Variants in SPECC1 observed in about 807,000 individuals in gnomAD.
SPECC1 encodes cytospin-B.
In SPECC1, 62 loss-of-function variants were observed where a neutral mutation model predicts 104.1. The ratio of observed to expected loss-of-function variants is 0.60; its 90% CI spans 0.49 to 0.74. The LOEUF is 0.74. SPECC1 is among the 30% of genes least tolerant of loss of function. The pLI is 0.00. For synonymous variants in SPECC1, 513 were observed against 501.6 expected, an observed-to-expected ratio of 1.02 and a Z score of -0.30; for missense variants, 1,306 against 1,310.5, an observed-to-expected ratio of 1.00 and a Z score of 0.05.
intron 3 of SPECC1, among the ~76,000 whole-genome samples, chr17:20,202,689 TTA>T (rs1411429674): frequency 6.6e-6 from 1 of 152,162 alleles, no homozygotes; most frequent in African/African-American, 2.4e-5. Context: ...TGTTAACTGT[TTA>T]TGTTTTCAGT....
intron 14 of SPECC1, among the ~76,000 whole-genome samples, chr17:20,307,230 A>G (rs1421199426): frequency 6.6e-6 from 1 of 152,244 alleles, no homozygotes; most frequent in African/African-American, 2.4e-5. Flanking sequence ...GGAAAACCCA[A>G]CCAGCAGTTG....
intron 1 of SPECC1, among the ~76,000 whole-genome samples, chr17:20,094,402 A>G (rs2047548539): frequency 6.6e-6 from 1 of 152,158 alleles, no homozygotes; most frequent in Admixed American, 6.5e-5. Context: ...AGAAGTTTAG[A>G]TCTTTTAATT....
chr17:20,144,454 G>A (rs1312890992), intron 3 of SPECC1, among the ~76,000 whole-genome samples: 7 of 151,982 alleles, frequency 4.6e-5, no homozygotes, highest in Admixed American at 4.6e-4. Flanking sequence ...GCCTCCCAAA[G>A]TGCTGGGATT....
At chr17:20,194,358 A>G (rs2035864085) in intron 3 of SPECC1, among the ~76,000 whole-genome samples, 2 of 152,118 alleles carry the variant, frequency 1.3e-5, no homozygotes, top group East Asian at 1.9e-4. Context: ...ACTGTTGTAG[A>G]CAAGGTGTGA....
intron 12 of SPECC1, among the ~76,000 whole-genome samples, chr17:20,295,395 A>G (rs7223481): frequency 6.6e-6 from 1 of 152,106 alleles, no homozygotes; most frequent in Non-Finnish European, 1.5e-5. Flanking sequence ...TACATGTGCC[A>G]CATTTTCTTA....
chr17:20,283,660 C>A (rs552817674), intron 12 of SPECC1, among the ~76,000 whole-genome samples: 2 of 152,132 alleles, frequency 1.3e-5, no homozygotes, highest in Admixed American at 6.5e-5. Context: ...GATCTTGGCT[C>A]ACCTCAACCT....
At chr17:20,023,534 G>A (rs1465671577) in intron 1 of SPECC1, among the ~76,000 whole-genome samples, 2 of 152,096 alleles carry the variant, frequency 1.3e-5, no homozygotes, top group Admixed American at 1.3e-4. Context: ...GCAGGGGTTG[G>A]GAGCAGGGCA....
intron 3 of SPECC1, chr17:20,155,913 G>A (rs1170380099): frequency 2.5e-6 from 3 of 1,200,956 alleles, no homozygotes; most frequent in Non-Finnish European, 3.1e-6. Context: ...GGGGCGGGCC[G>A]CGCCTGGCGG....
chr17:20,099,638 T>C (rs2047832919), intron 2 of SPECC1, among the ~76,000 whole-genome samples: 1 of 128,272 alleles, frequency 7.8e-6, no homozygotes, highest in Non-Finnish European at 1.5e-5. Context: ...GAGGTTGCAG[T>C]CAGCCAAGAG....
intron 2 of SPECC1, among the ~76,000 whole-genome samples, chr17:20,109,021 C>T (rs984225479): frequency 1.3e-5 from 2 of 152,224 alleles, no homozygotes; most frequent in Admixed American, 6.5e-5. Flanking sequence ...TGCCAGTTTA[C>T]ACTTCCACTC....
Position 20,053,504 on chromosome 17 carries a change from G to A in SPECC1, c.-21-43127G>A, listed in dbSNP as rs571760284. Among the ~76,000 whole-genome samples, 20 of 152,346 alleles carry A rather than the reference G, an allele frequency of 1.3e-4. 1 individual carries two copies. In the East Asian group the frequency reaches 3.7e-3, roughly 28 times the overall value. On this transcript the variant is annotated intron_variant, in intron 1 of 14. Transcript: ENST00000395527. ...AATGGAATAAGGCAGAAGTGAGAGT[G>A]TTAGGAGTAGGTCCATAGTGTTAGG...
chr17:20,041,704 T>C (rs1424946819), intron 1 of SPECC1, among the ~76,000 whole-genome samples: 7 of 138,608 alleles, frequency 5.1e-5, no homozygotes, highest in Non-Finnish European at 9.2e-5. Context: ...CTCGGCTCAC[T>C]GCTCCTCTTC....
At chr17:20,087,380 A>G (rs2047218574) in intron 1 of SPECC1, among the ~76,000 whole-genome samples, 3 of 152,342 alleles carry the variant, frequency 2.0e-5, no homozygotes, top group Non-Finnish European at 2.9e-5. Context: ...GGAAGGCTCT[A>G]TATTCACATC....
At chr17:20,194,322 C>T (rs1015534409) in intron 3 of SPECC1, among the ~76,000 whole-genome samples, 4 of 87,878 alleles carry the variant, frequency 4.6e-5, no homozygotes, top group African/African-American at 8.0e-5. Flanking sequence ...TCTTTACTTA[C>T]CCCAAGTCAG....
At chr17:20,169,365 A>G (rs1194670642) in intron 3 of SPECC1, among the ~76,000 whole-genome samples, 2 of 152,204 alleles carry the variant, frequency 1.3e-5, no homozygotes, top group Non-Finnish European at 2.9e-5. Flanking sequence ...ATCATTATAT[A>G]TTATAGTTCT....
chr17:20,056,526 TA>T, intron 1 of SPECC1: 1 of 216,166 alleles, frequency 4.6e-6, no homozygotes. Flanking sequence ...TTAGGAAGCC[TA>T]AAAAATGAGA....
At chr17:20,070,158 G>A (rs1449611773) in intron 1 of SPECC1, among the ~76,000 whole-genome samples, 1 of 152,176 alleles carries the variant, frequency 6.6e-6, no homozygotes, top group Non-Finnish European at 1.5e-5. Context: ...TTGACAAGAA[G>A]TGGTGAGAGC....
intron 1 of SPECC1, among the ~76,000 whole-genome samples, chr17:20,072,660 T>C (rs563017953): frequency 2.0e-5 from 3 of 152,316 alleles, no homozygotes; most frequent in Admixed American, 2.0e-4. Context: ...GTATGGAGGT[T>C]AGAATTATAG....
At chr17:20,051,050 CTTTCTTTCTTTCTTTCTT>C (rs1567813128) in intron 1 of SPECC1, among the ~76,000 whole-genome samples, 1 of 137,400 alleles carries the variant, frequency 7.3e-6, no homozygotes, top group East Asian at 2.0e-4. Context: ...GCACTTGGTT[CTTTCTTTCTTTCTTTCTT>C]TTTCTTTCTT....
Sources: allele counts gnomAD v4.1 joint callset (sites outside exome capture counted in the v4.1 genomes callset), GRCh38; gene constraint gnomAD v4.1.1; transcripts MANE v1.5; gene names NCBI Gene and HGNC (gene_info 2026-07-23, HGNC 2026-07-21).